The following GALNTL6 variants were observed in gnomAD, a reference collection of about 807,000 sequenced individuals.
GALNTL6 encodes polypeptide N-acetylgalactosaminyltransferase-like 6.
A neutral mutation model predicts 73.7 loss-of-function variants in GALNTL6; 46 were observed. That is an observed-to-expected ratio of 0.62 (90% CI 0.49 to 0.80). The LOEUF (loss-of-function observed/expected upper bound fraction) is 0.80. Among genes scored for constraint, GALNTL6 ranks in the 30% least tolerant of loss-of-function variants. The pLI is 0.00. For synonymous variants in GALNTL6, 259 were observed against 263.7 expected (o/e 0.98, Z 0.17); for missense variants, 604 against 755.0 (o/e 0.80, Z 2.34).
At chr4:172,745,118 C>T (rs67409249) in intron 5 of GALNTL6, among the ~76,000 whole-genome samples, 67,822 of 151,408 alleles carry the variant, frequency 0.45, 17,617 homozygotes, top group East Asian at 0.68. Flanking sequence ...AAAGAACACC[C>T]TTTTTTCTCT....
At chr4:171,825,864 C>T (rs1579486802) in intron 2 of GALNTL6, among the ~76,000 whole-genome samples, 1 of 152,226 alleles carries the variant, frequency 6.6e-6, no homozygotes, top group African/African-American at 2.4e-5. Context: ...TGAACATCAC[C>T]GTGTTTCCAA....
At chr4:172,067,823 A>G in intron 2 of GALNTL6, among the ~76,000 whole-genome samples, 1 of 110,330 alleles carries the variant, frequency 9.1e-6, no homozygotes, top group Non-Finnish European at 2.0e-5. Flanking sequence ...TCCTGACCAA[A>G]GGTGAAAACA....
intron 5 of GALNTL6, among the ~76,000 whole-genome samples, chr4:172,468,823 G>A (rs548044430): frequency 2.0e-5 from 3 of 152,060 alleles, no homozygotes; most frequent in Admixed American, 6.5e-5. Context: ...TATTAAATTA[G>A]CATCTCCCTA....
chr4:172,780,515 G>A (rs985387972), intron 5 of GALNTL6, among the ~76,000 whole-genome samples: 8 of 152,182 alleles, frequency 5.3e-5, no homozygotes, highest in African/African-American at 1.9e-4. Context: ...AGTTAATTCA[G>A]TCAAAAATTA....
At chr4:172,222,544 T>A (rs924032871) in intron 2 of GALNTL6, among the ~76,000 whole-genome samples, 6 of 148,334 alleles carry the variant, frequency 4.0e-5, no homozygotes, top group African/African-American at 7.5e-5. Flanking sequence ...CAGTTTTTTT[T>A]ATCCTCAAAA....
At chr4:172,501,810 A>G (rs1734271510) in intron 5 of GALNTL6, among the ~76,000 whole-genome samples, 1 of 152,282 alleles carries the variant, frequency 6.6e-6, no homozygotes, top group East Asian at 1.9e-4. Flanking sequence ...AGCCTCCTAT[A>G]GTTGACTATA....
At chr4:172,991,815 G>T (rs1376342528) in intron 10 of GALNTL6, among the ~76,000 whole-genome samples, 1 of 152,130 alleles carries the variant, frequency 6.6e-6, no homozygotes, top group Admixed American at 6.5e-5. Context: ...ATAATTTCTT[G>T]TTAAAAAGCA....
At chr4:172,640,551 G>C (rs1560851469) in intron 5 of GALNTL6, among the ~76,000 whole-genome samples, 1 of 152,070 alleles carries the variant, frequency 6.6e-6, no homozygotes, top group Non-Finnish European at 1.5e-5. Context: ...ACCAGAGCTG[G>C]TTTCTCCTGA....
rs866386372 is a variant in GALNTL6 at position 172,832,825 on chromosome 4, C to T, written c.923+19102C>T. On this transcript the variant is annotated intron_variant, in intron 7 of 12. Coordinates refer to ENST00000506823, the MANE Select transcript of GALNTL6 (RefSeq NM_001034845.3). ...ATCTGGGTGGCTTCATCCTCCCAGG[C>T]CTTGGGTTTTCACTAGACAGGACAA... Among the ~76,000 whole-genome samples, 4 of 152,198 alleles carry T rather than the reference C, an allele frequency of 2.6e-5. No homozygotes were observed. The South Asian group carries it at 8.3e-4, about 31-fold the overall frequency.
At chr4:172,267,697 G>T (rs758532209) in intron 3 of GALNTL6, among the ~76,000 whole-genome samples, 18 of 152,072 alleles carry the variant, frequency 1.2e-4, no homozygotes, top group Non-Finnish European at 2.4e-4. Context: ...TACATCTTGA[G>T]ACATTTAAAT....
chr4:172,067,383 G>T (rs573692959), intron 2 of GALNTL6, among the ~76,000 whole-genome samples: 1 of 151,502 alleles, frequency 6.6e-6, no homozygotes, highest in African/African-American at 2.4e-5. Flanking sequence ...ATCTCTGTAC[G>T]CTCTACCTCA....
In GALNTL6 at chr4:172,174,438, G is replaced by A. The variant is rs543020453; in HGVS notation, c.139-55218G>A. 4.7e-4 allele frequency among the ~76,000 whole-genome samples: 72 copies of A among 152,110 alleles called. 1 individual carries two copies. The South Asian group carries it at 0.015, about 31-fold the overall frequency. ...GTTATGAAAATCCTTGATGTGCACT[G>A]CATGATTCTGGCTTCACTGGGCACA... is the stretch of plus-strand genomic sequence containing the variant. On this transcript the variant is annotated intron_variant, in intron 2 of 12. Transcript: ENST00000506823.
At chr4:172,654,849 C>T (rs1730895917) in intron 5 of GALNTL6, among the ~76,000 whole-genome samples, 1 of 152,166 alleles carries the variant, frequency 6.6e-6, no homozygotes, top group Non-Finnish European at 1.5e-5. Flanking sequence ...GTAATAATAA[C>T]AACGTTTGCT....
intron 10 of GALNTL6, among the ~76,000 whole-genome samples, chr4:172,994,919 T>C (rs1252909319): frequency 1.3e-5 from 2 of 152,226 alleles, no homozygotes; most frequent in Non-Finnish European, 2.9e-5. Context: ...AACTGTATAT[T>C]AGACCATATT....
At chr4:171,908,129 G>T (rs1737352270) in intron 2 of GALNTL6, among the ~76,000 whole-genome samples, 1 of 152,158 alleles carries the variant, frequency 6.6e-6, no homozygotes, top group Admixed American at 6.5e-5. Flanking sequence ...GGCAACCAAA[G>T]CCAAAACTGA....
intron 4 of GALNTL6, among the ~76,000 whole-genome samples, chr4:172,332,178 G>GT (rs1242607433): frequency 6.6e-6 from 1 of 151,690 alleles, no homozygotes; most frequent in Non-Finnish European, 1.5e-5. Flanking sequence ...TTGGATGAAT[G>GT]TTTAAGTAAT....
chr4:172,049,672 G>C (rs967620324), intron 2 of GALNTL6, among the ~76,000 whole-genome samples: 1 of 152,260 alleles, frequency 6.6e-6, no homozygotes, highest in South Asian at 2.1e-4. Flanking sequence ...TCAAGGTAAT[G>C]TAAGTATTTC....
chr4:172,380,772 TTTTG>T (rs1315473390), intron 5 of GALNTL6, among the ~76,000 whole-genome samples: 10 of 152,220 alleles, frequency 6.6e-5, no homozygotes, highest in African/African-American at 2.2e-4. Context: ...AATTGTTTTG[TTTTG>T]TTTATTACAA....
intron 4 of GALNTL6, among the ~76,000 whole-genome samples, chr4:172,324,388 C>A (rs1365208893): frequency 6.6e-6 from 1 of 151,626 alleles, no homozygotes; most frequent in African/African-American, 2.4e-5. Flanking sequence ...GAAATAAATT[C>A]ACTTAATTTT....
Sources: allele counts gnomAD v4.1 joint callset (sites outside exome capture counted in the v4.1 genomes callset), GRCh38; gene constraint gnomAD v4.1.1; transcripts MANE v1.5; gene names NCBI Gene and HGNC (gene_info 2026-07-23, HGNC 2026-07-21).